ACSL3: variants seen among roughly 807,000 people sequenced by gnomAD.
The protein encoded by ACSL3 is acyl-CoA synthetase long chain family member 3.
In ACSL3, 34 loss-of-function variants were observed where a neutral mutation model predicts 84.7. The ratio of observed to expected loss-of-function variants is 0.40; its 90% CI spans 0.31 to 0.53. ACSL3 has a LOEUF of 0.53. Ranked by LOEUF, ACSL3 falls within the 20% of genes least tolerant of loss-of-function variation. The pLI, the probability that ACSL3 is intolerant of heterozygous loss-of-function variation, is 0.48. For missense variants in ACSL3, 680 were observed against 873.1 expected (o/e 0.78, Z 2.79); for synonymous variants, 315 against 299.4 (o/e 1.05, Z -0.54).
chr2:222,889,282 A>G (rs1695790871), intron 2 of ACSL3, among the ~76,000 whole-genome samples: 1 of 152,120 alleles, frequency 6.6e-6, no homozygotes, highest in African/African-American at 2.4e-5. Context: ...TCAGAAACTG[A>G]TGTGGGAGGG....
chr2:222,877,866 A>C (rs1313641841), intron 1 of ACSL3, among the ~76,000 whole-genome samples: 2 of 152,220 alleles, frequency 1.3e-5, no homozygotes, highest in Non-Finnish European at 2.9e-5. Context: ...GAGTACAGGC[A>C]TGTTAATTAT....
At chr2:222,938,978 T>G (rs1283287486) in intron 16 of ACSL3, among the ~76,000 whole-genome samples, 1 of 152,166 alleles carries the variant, frequency 6.6e-6, no homozygotes. Flanking sequence ...AAAATTTCTT[T>G]CATTTATACT....
intron 3 of ACSL3, 71 bp from the exon 4 acceptor site, chr2:222,908,662 G>T: frequency 9.3e-7 from 1 of 1,075,836 alleles, no homozygotes; most frequent in Non-Finnish European, 1.3e-6. Context: ...ATCTTCATTT[G>T]CCGATGTAAC....
chr2:222,872,346 G>A (rs375120794), intron 1 of ACSL3, among the ~76,000 whole-genome samples: 2 of 152,210 alleles, frequency 1.3e-5, no homozygotes, highest in Admixed American at 6.5e-5. Context: ...GGCTGGTCTT[G>A]AACTCCTGAC....
At chr2:222,936,923 A>T (rs900541577) in intron 16 of ACSL3, among the ~76,000 whole-genome samples, 1 of 152,044 alleles carries the variant, frequency 6.6e-6, no homozygotes, top group African/African-American at 2.4e-5. Flanking sequence ...GTGAGGTCTC[A>T]CTCACCATCA....
intron 16 of ACSL3, among the ~76,000 whole-genome samples, chr2:222,935,291 G>A (rs918003939): frequency 2.6e-5 from 4 of 152,136 alleles, no homozygotes; most frequent in East Asian, 1.9e-4. Context: ...CCAGGCTCAA[G>A]CGATTCTTCC....
intron 3 of ACSL3, among the ~76,000 whole-genome samples, chr2:222,906,749 G>A (rs1696303668): frequency 6.6e-6 from 1 of 152,040 alleles, no homozygotes; most frequent in Non-Finnish European, 1.5e-5. Context: ...CGAGTAGCTG[G>A]GACTACAGGC....
chr2:222,888,524 C>T (rs1162046108), intron 2 of ACSL3, among the ~76,000 whole-genome samples: 1 of 152,146 alleles, frequency 6.6e-6, no homozygotes, highest in East Asian at 1.9e-4. Flanking sequence ...AGCATTTTAT[C>T]CATTAGAATC....
In ACSL3 at chr2:222,922,926, T is replaced by C; in HGVS notation, c.1080+95T>C. The C allele has an allele frequency of 1.1e-5, 16 of 1,517,810 alleles. No individual in the cohort carries two copies. The South Asian group carries it at 1.8e-4, about 17-fold the overall frequency. The allele number at this position is 1,517,810 out of a possible 1,614,324, so 94.0% of individuals were successfully genotyped here. ...GTATGACAGTATATTGCGAGAGCGA[T>C]GGTTCATTTTAAAATGAGCTTTAGC... On this transcript the variant is annotated intron_variant, in intron 9 of 16. Transcript: ENST00000357430.
In ACSL3 at chr2:222,906,004, C is replaced by CT. The variant is rs1696282254; in HGVS notation, c.-40-2726dup. Among the ~76,000 whole-genome samples, 3 of 152,048 alleles carry CT rather than the reference C, an allele frequency of 2.0e-5. No homozygotes were observed. The South Asian group carries it at 6.2e-4, about 32-fold the overall frequency. On this transcript the variant is annotated intron_variant, in intron 3 of 16. Coordinates refer to ENST00000357430, the MANE Select transcript of ACSL3 (RefSeq NM_004457.5). ...AATTTCTGCTGCCTGCTTTTCCCTT[C>CT]TTTCTGTGTGTCATACTTTTCTGTT...
intron 2 of ACSL3, among the ~76,000 whole-genome samples, chr2:222,894,468 C>T (rs1294367547): frequency 6.6e-6 from 1 of 152,208 alleles, no homozygotes; most frequent in East Asian, 1.9e-4. Flanking sequence ...CTATTTATCA[C>T]ACAATTTTAT....
At chr2:222,937,287 A>G (rs1559305597) in intron 16 of ACSL3, among the ~76,000 whole-genome samples, 2 of 152,030 alleles carry the variant, frequency 1.3e-5, no homozygotes, top group Admixed American at 1.3e-4. Context: ...TTTATCCTGC[A>G]ACTTTGCTGG....
At chr2:222,939,749 T>A (rs1274087164) in intron 16 of ACSL3, among the ~76,000 whole-genome samples, 1 of 152,164 alleles carries the variant, frequency 6.6e-6, no homozygotes, top group African/African-American at 2.4e-5. Flanking sequence ...ACTTCTTAAG[T>A]GGTTTCTGGG....
In ACSL3 at chr2:222,932,697, C is replaced by T. The variant is rs1410558884; in HGVS notation, c.1733-469C>T. On this transcript the variant is annotated intron_variant, in intron 14 of 16. Coordinates refer to ENST00000357430, the MANE Select transcript of ACSL3 (RefSeq NM_004457.5). ...CTGTAATCCCAGCACTTTGGGAGGC[C>T]GAGGCGGGTGGATCATGAGGTCAGG... 4.3e-4 allele frequency among the ~76,000 whole-genome samples: 2 copies of T among 4,686 alleles called. 1 individual carries two copies. Among genetic ancestry groups the T allele is most frequent in the Non-Finnish European group, 5.9e-4 (2 of 3,372 alleles). The allele number at this position is 4,686 out of a possible 152,430, so 3.1% of individuals were successfully genotyped here. A position where few individuals can be genotyped will look rare whatever the true frequency, so the allele number is the denominator to read the frequency against.
At chr2:222,884,700 A>T (rs1471411915) in intron 1 of ACSL3, among the ~76,000 whole-genome samples, 1 of 152,200 alleles carries the variant, frequency 6.6e-6, no homozygotes, top group African/African-American at 2.4e-5. Context: ...GTCTTTTTCC[A>T]AATAAGGTAA....
chr2:222,862,281 C>A (rs74630983), intron 1 of ACSL3, among the ~76,000 whole-genome samples: 3,467 of 152,288 alleles, frequency 0.023, 57 homozygotes, highest in Non-Finnish European at 0.025. Flanking sequence ...GATTGGACGA[C>A]TTAGCTTGCC....
intron 1 of ACSL3, among the ~76,000 whole-genome samples, chr2:222,873,917 T>C (rs1695372997): frequency 6.6e-6 from 1 of 152,250 alleles, no homozygotes; most frequent in South Asian, 2.1e-4. Flanking sequence ...ATTTAAAGGC[T>C]CTTAATAAAA....
intron 1 of ACSL3, among the ~76,000 whole-genome samples, chr2:222,882,632 A>G (rs1440582572): frequency 2.0e-5 from 3 of 152,142 alleles, no homozygotes; most frequent in Admixed American, 1.3e-4. Flanking sequence ...GGCAGAGCTC[A>G]GGCGGTAATA....
At chr2:222,889,561 T>A (rs976009599) in intron 2 of ACSL3, among the ~76,000 whole-genome samples, 1 of 152,194 alleles carries the variant, frequency 6.6e-6, no homozygotes, top group Non-Finnish European at 1.5e-5. Flanking sequence ...TTTGTACGTG[T>A]CCTTTGTGTG....
Sources: allele counts gnomAD v4.1 joint callset (sites outside exome capture counted in the v4.1 genomes callset), GRCh38; gene constraint gnomAD v4.1.1; transcripts MANE v1.5; gene names NCBI Gene and HGNC (gene_info 2026-07-23, HGNC 2026-07-21).